Variants in TRAF5 observed in about 807,000 individuals in gnomAD.
TRAF5 encodes TNF receptor-associated factor 5.
A neutral mutation model predicts 64.5 loss-of-function variants in TRAF5; 48 were observed. The observed-to-expected ratio is 0.74, with a 90% CI of 0.59 to 0.95. TRAF5 has a LOEUF of 0.95. Among genes scored for constraint, TRAF5 ranks in the 40% least tolerant of loss-of-function variants. The pLI, the probability that TRAF5 is intolerant of heterozygous loss-of-function variation, is 0.00. For synonymous variants in TRAF5, 206 were observed against 240.5 expected (o/e 0.86, Z 1.33); for missense variants, 545 against 662.8 (o/e 0.82, Z 1.95).
Position 211,373,467 on chromosome 1 carries a change from G to C in TRAF5, c.*765G>C, listed in dbSNP as rs2102779462. On this transcript the variant is annotated 3_prime_UTR_variant, in exon 11 of 11. Coordinates refer to ENST00000261464, the MANE Select transcript of TRAF5 (RefSeq NM_001033910.3). ...ATAGGTCAAAAATGGTAAAAAATTA[G>C]CAGTTTCATAAGATTCAACCAAATA... is the stretch of plus-strand genomic sequence containing the variant. 2 of 152,130 alleles carry C rather than the reference G, an allele frequency of 1.3e-5. No homozygotes were observed. The highest frequency in any genetic ancestry group is 4.2e-4 in the South Asian group (2 of 4,808). 9.4% of individuals were successfully genotyped at this position (152,130 alleles called of 1,614,324 possible).
intron 1 of TRAF5, among the ~76,000 whole-genome samples, chr1:211,343,084 G>A (rs1702489529): frequency 6.6e-6 from 1 of 152,314 alleles, no homozygotes; most frequent in South Asian, 2.1e-4. Flanking sequence ...CATAGTGGCT[G>A]TACTAATTTA....
chr1:211,327,486 G>A, intron 1 of TRAF5, among the ~76,000 whole-genome samples: 1 of 152,188 alleles, frequency 6.6e-6, no homozygotes, highest in East Asian at 1.9e-4. Context: ...GAGCTCTAAG[G>A]AACCTTGACG....
chr1:211,334,139 C>T (rs925063508), intron 1 of TRAF5, among the ~76,000 whole-genome samples: 1 of 152,210 alleles, frequency 6.6e-6, no homozygotes, highest in Middle Eastern at 3.2e-3. Flanking sequence ...TGCAAGCCTC[C>T]AAGAGTCTTG....
At chr1:211,354,598 G>A in intron 3 of TRAF5, 131 bp downstream of exon 3, 2 of 914,488 alleles carry the variant, frequency 2.2e-6, no homozygotes, top group Non-Finnish European at 3.4e-6. Flanking sequence ...CTTCTGCTGT[G>A]GGGTCACATC....
Position 211,369,538 on chromosome 1 carries a change from C to G in TRAF5, c.876C>G (p.Phe292Leu). 6.2e-7 allele frequency: 1 copy of G among 1,610,936 alleles called. No homozygotes were observed. The highest frequency in any genetic ancestry group is 8.5e-7 in the Non-Finnish European group (1 of 1,178,872). ...CTATAAAGAAACTTGAAAAGGAGTT[C>G]AAGCAGTTTGCACAGTTGTTTGGCA... is the stretch of plus-strand genomic sequence containing the variant. ...AETIKKLEKE[F>L]KQFAQLFGKN... The change falls in exon 9 of 11, where the codon TTC becomes TTG. Residue 292 changes from phenylalanine (F) to leucine (L), a missense_variant. Coordinates refer to ENST00000261464, the MANE Select transcript of TRAF5 (RefSeq NM_001033910.3).
At chr1:211,353,787 T>A (rs1317425947) in intron 2 of TRAF5, among the ~76,000 whole-genome samples, 2 of 152,240 alleles carry the variant, frequency 1.3e-5, no homozygotes. Context: ...CACCCCAATC[T>A]TCCCTTGCCT....
At chr1:211,361,251 G>A in intron 7 of TRAF5, 89 bp downstream of exon 7, 1 of 1,192,600 alleles carries the variant, frequency 8.4e-7, no homozygotes, top group Non-Finnish European at 1.2e-6. Context: ...ATCGAGGATG[G>A]AGAAAGACAT....
In TRAF5 at chr1:211,338,118, G is replaced by T. The variant is rs536865024; in HGVS notation, c.-2+11229G>T. 7.2e-5 allele frequency among the ~76,000 whole-genome samples: 11 copies of T among 152,298 alleles called. No homozygotes were observed. In the South Asian group the frequency reaches 1.9e-3, roughly 26 times the overall value. Reference sequence around the variant, plus strand: ...AAGCTGCCACGATGATCTGACTGGTGCTCCTCACACTGTCATGAGCTGTAG... The same window carrying T: ...AAGCTGCCACGATGATCTGACTGGTTCTCCTCACACTGTCATGAGCTGTAG... On this transcript the variant is annotated intron_variant, in intron 1 of 10. Coordinates refer to ENST00000261464, the MANE Select transcript of TRAF5 (RefSeq NM_001033910.3).
chr1:211,333,292 G>A (rs1455691541), intron 1 of TRAF5, among the ~76,000 whole-genome samples: 3 of 152,046 alleles, frequency 2.0e-5, no homozygotes, highest in East Asian at 1.9e-4. Context: ...GGGTTCAAGC[G>A]ATTCTCCTGC....
Position 211,358,902 on chromosome 1 carries a change from T to C in TRAF5, c.379-1010T>C, listed in dbSNP as rs548883438. On this transcript the variant is annotated intron_variant, in intron 4 of 10. Coordinates refer to ENST00000261464, the MANE Select transcript of TRAF5 (RefSeq NM_001033910.3). ...GTAAATAAATGTTTATTTTTAATAA[T>C]AAATAACAGAATATTTAAAATAACT... is the stretch of plus-strand genomic sequence containing the variant. The C allele has an allele frequency of 2.7e-5, 4 of 149,184 alleles. No individual in the cohort carries two copies. The East Asian group carries it at 5.8e-4, about 22-fold the overall frequency. 9.2% of individuals were successfully genotyped at this position (149,184 alleles called of 1,614,324 possible).
At position 211,372,213 on chromosome 1, in the gene TRAF5, A is replaced by G; in HGVS notation, c.1185A>G (p.Lys395=). The G allele has an allele frequency of 6.2e-7, 1 of 1,614,102 alleles. No homozygotes were observed. The highest frequency in any genetic ancestry group is 8.5e-7 in the Non-Finnish European group (1 of 1,180,014). ...TGAGTAAAAATGAAGAGCGATTTAA[A>G]CTGCTGGAGGGTACTTGCTATAATG... ...AQLSKNEERF[K]LLEGTCYNGK... Residue 395 remains lysine, a synonymous_variant, in exon 11 of 11, where the codon AAA becomes AAG. Transcript: ENST00000261464.
In TRAF5 at chr1:211,372,441, C is replaced by T. The variant is rs1307214417; in HGVS notation, c.1413C>T (p.Asp471=). ...LYFVVMRGEF[D]SLLQWPFRQR... ...TTGTGGTCATGCGAGGAGAGTTTGA[C>T]TCACTGTTGCAGTGGCCATTCAGGC... Residue 471 remains aspartate (D), a synonymous_variant, in exon 11 of 11, where the codon GAC becomes GAT. Coordinates refer to ENST00000261464, the MANE Select transcript of TRAF5 (RefSeq NM_001033910.3). The T allele has an allele frequency of 1.2e-6, 2 of 1,614,178 alleles. No homozygotes were observed. The highest frequency in any genetic ancestry group is 8.5e-7 in the Non-Finnish European group (1 of 1,180,028).
At position 211,326,958 on chromosome 1, in the gene TRAF5, C is replaced by A; in HGVS notation, c.-2+69C>A. 1 of 966,278 alleles carries A rather than the reference C, an allele frequency of 1.0e-6. No individual in the cohort carries two copies. The highest frequency in any genetic ancestry group is 1.2e-6 in the Non-Finnish European group (1 of 812,408). The allele number at this position is 966,278 out of a possible 1,614,324, so 59.9% of individuals were successfully genotyped here. On this transcript the variant is annotated intron_variant, in intron 1 of 10. Transcript: ENST00000261464. This position sits in a 1 kb window ranked among gnomAD's most constrained non-coding sequence, Gnocchi z 5.0. ...GGGCCGGGGTGGGGACACCGACGAG[C>A]GCTTTTCATCTCGTCCCAGTTACTT... is the stretch of plus-strand genomic sequence containing the variant.
chr1:211,370,191 C>G (rs999485738), intron 9 of TRAF5, among the ~76,000 whole-genome samples: 3 of 152,032 alleles, frequency 2.0e-5, no homozygotes, highest in South Asian at 4.1e-4. Flanking sequence ...AAAAATAATA[C>G]TTTGTAAATT....
chr1:211,346,385 G>A (rs1477926518), intron 1 of TRAF5: 29 of 985,336 alleles, frequency 2.9e-5, no homozygotes, highest in Admixed American at 6.1e-5. Flanking sequence ...GTGCAGATGA[G>A]TGGGCTGTGG....
chr1:211,346,562 A>G (rs1448369635), intron 1 of TRAF5: 5 of 370,864 alleles, frequency 1.3e-5, no homozygotes, highest in Non-Finnish European at 1.9e-5. Context: ...TGTCTTATGC[A>G]CTATAACATA....
chr1:211,330,864 A>G lies in TRAF5; in HGVS notation c.-2+3975A>G, dbSNP rs1292828633. Among the ~76,000 whole-genome samples the G allele has an allele frequency of 2.0e-5, 3 of 152,146 alleles. No homozygotes were observed. In the East Asian group the frequency reaches 5.8e-4, roughly 29 times the overall value. ...GGCTGGGTCCTCAGGTTGGATTTCA[A>G]TTCTCTGTGCTTCTCTCCTTGAGCC... On this transcript the variant is annotated intron_variant, in intron 1 of 10. Transcript: ENST00000261464.
At chr1:211,371,502 A>T (rs1703520563) in intron 10 of TRAF5, 32 bp downstream of exon 10, 2 of 1,595,440 alleles carry the variant, frequency 1.3e-6, no homozygotes, top group Middle Eastern at 1.7e-4. Flanking sequence ...TCTTTTGGTG[A>T]CTCATTTGTC....
chr1:211,366,464 T>C (rs1411332768), intron 8 of TRAF5, among the ~76,000 whole-genome samples: 2 of 152,190 alleles, frequency 1.3e-5, no homozygotes, highest in African/African-American at 4.8e-5. Context: ...GCCTCTACCC[T>C]TGAAGAACTA....
Sources: allele counts gnomAD v4.1 joint callset (sites outside exome capture counted in the v4.1 genomes callset), GRCh38; gene constraint gnomAD v4.1.1; non-coding constraint Gnocchi (gnomAD v3.1); transcripts MANE v1.5; gene names NCBI Gene and HGNC (gene_info 2026-07-23, HGNC 2026-07-21).